Variants in GHR observed in about 807,000 individuals in gnomAD.
GHR encodes the protein growth hormone receptor, also known as GH receptor.
A neutral mutation model predicts 67.1 loss-of-function variants in GHR; 35 were observed. The ratio of observed to expected loss-of-function variants is 0.52; its 90% CI spans 0.40 to 0.69. The LOEUF is 0.69. Ranked by LOEUF, GHR falls within the 30% of genes least tolerant of loss-of-function variation. The probability of loss-of-function intolerance (pLI) is 0.00; values close to 1 mark genes in which losing one functional copy is unlikely to be tolerated. For synonymous variants in GHR, 272 were observed against 269.1 expected (o/e 1.01, Z -0.10); for missense variants, 792 against 764.6 (o/e 1.04, Z -0.42).
chr5:42,454,912 C>A (rs1263015667), intron 1 of GHR, among the ~76,000 whole-genome samples: 1 of 152,130 alleles, frequency 6.6e-6, no homozygotes, highest in Non-Finnish European at 1.5e-5. Flanking sequence ...GTTCATGCCC[C>A]CTCAAAATTA....
At chr5:42,677,191 C>A (rs560822542) in intron 3 of GHR, among the ~76,000 whole-genome samples, 156 of 152,280 alleles carry the variant, frequency 1.0e-3, no homozygotes, top group African/African-American at 3.5e-3. Context: ...ACTCCCCAAA[C>A]TCCACTTCAT....
chr5:42,432,377 G>T (rs1743132472), intron 1 of GHR, among the ~76,000 whole-genome samples: 1 of 152,174 alleles, frequency 6.6e-6, no homozygotes, highest in Admixed American at 6.6e-5. Flanking sequence ...CATAATTGAT[G>T]CTGTAAATGA....
intron 2 of GHR, among the ~76,000 whole-genome samples, chr5:42,622,059 T>G (rs1343097612): frequency 6.6e-6 from 1 of 152,170 alleles, no homozygotes; most frequent in African/African-American, 2.4e-5. Flanking sequence ...CACTCAGGCC[T>G]GGTGGACTCA....
At chr5:42,690,292 C>T (rs1757364399) in intron 4 of GHR, among the ~76,000 whole-genome samples, 1 of 152,214 alleles carries the variant, frequency 6.6e-6, no homozygotes, top group South Asian at 2.1e-4. Flanking sequence ...TGCACTTTCT[C>T]ACCAAGGAAT....
At chr5:42,477,378 A>G (rs1345420363) in intron 1 of GHR, among the ~76,000 whole-genome samples, 2 of 152,158 alleles carry the variant, frequency 1.3e-5, no homozygotes, top group East Asian at 3.9e-4. Flanking sequence ...ATGATTTATA[A>G]TCCTTTGGGT....
chr5:42,696,239 A>G (rs1757665897), intron 5 of GHR, among the ~76,000 whole-genome samples: 2 of 152,208 alleles, frequency 1.3e-5, no homozygotes, highest in Non-Finnish European at 2.9e-5. Flanking sequence ...TGGTGGTTAT[A>G]GAATAAGTAC....
rs1187973968 is a variant in GHR, at chr5:42,720,133, T to G, written c.*709T>G. Reference sequence around the variant, plus strand: ...AACAAACTCGTTTTTTACAAAGCCCTTTTATACCTCCCCAGACTCCTTCAA... The same window carrying G: ...AACAAACTCGTTTTTTACAAAGCCCGTTTATACCTCCCCAGACTCCTTCAA... On this transcript the variant is annotated 3_prime_UTR_variant, in exon 10 of 10. Coordinates refer to ENST00000230882, the MANE Select transcript of GHR (RefSeq NM_000163.5). The G allele has an allele frequency of 1.3e-5, 2 of 152,686 alleles. No individual in the cohort carries two copies. The highest frequency in any genetic ancestry group is 3.8e-4 in the East Asian group (2 of 5,202). The allele number at this position is 152,686 out of a possible 1,614,324, so 9.5% of individuals were successfully genotyped here. A position where few individuals can be genotyped will look rare whatever the true frequency, so the allele number is the denominator to read the frequency against.
Position 42,629,062 on chromosome 5 carries a change from C to A in GHR, c.95C>A (p.Ala32Glu). 2 of 1,417,522 alleles carry A rather than the reference C, an allele frequency of 1.4e-6. No homozygotes were observed. The highest frequency in any genetic ancestry group is 1.9e-6 in the Non-Finnish European group (2 of 1,031,706). 87.8% of individuals were successfully genotyped at this position (1,417,522 alleles called of 1,614,324 possible). A position where few individuals can be genotyped will look rare whatever the true frequency, so the allele number is the denominator to read the frequency against. Residue 32 changes from alanine to glutamate, a missense_variant, in exon 3 of 10, where the codon GCA (alanine) becomes GAA (glutamate). Ala to Glu is a moderately radical substitution (Grantham distance 107). Transcript: ENST00000230882. ...SEATAAILSR[A>E]PWSLQSVNPG... Reference sequence around the variant, plus strand: ...GCCACAGCAGCTATCCTTAGCAGAGCACCCTGGAGTCTGCAAAGTGTTAAT... The same window carrying A: ...GCCACAGCAGCTATCCTTAGCAGAGAACCCTGGAGTCTGCAAAGTGTTAAT...
chr5:42,693,528 C>A (rs184763479), intron 4 of GHR, among the ~76,000 whole-genome samples: 168 of 152,288 alleles, frequency 1.1e-3, no homozygotes, highest in African/African-American at 3.9e-3. Flanking sequence ...CAATTTCCTT[C>A]CAACAGCTGA....
intron 1 of GHR, among the ~76,000 whole-genome samples, chr5:42,479,054 G>A (rs1220508381): frequency 6.6e-6 from 1 of 152,148 alleles, no homozygotes; most frequent in African/African-American, 2.4e-5. Context: ...TTTGAGATAT[G>A]TCCCATCATT....
chr5:42,472,159 T>C (rs1427396068), intron 1 of GHR, among the ~76,000 whole-genome samples: 4 of 152,282 alleles, frequency 2.6e-5, no homozygotes, highest in Admixed American at 1.3e-4. Context: ...GGGGGGGTGA[T>C]TATCATAAAA....
intron 6 of GHR, among the ~76,000 whole-genome samples, chr5:42,708,637 G>GA (rs141011355): frequency 0.018 from 2,713 of 152,040 alleles, 140 homozygotes; most frequent in South Asian, 0.17. Context: ...AAACAACCTA[G>GA]AAAAAAACAA....
intron 2 of GHR, among the ~76,000 whole-genome samples, chr5:42,608,692 C>A (rs1752745131): frequency 6.6e-6 from 1 of 151,918 alleles, no homozygotes; most frequent in African/African-American, 2.4e-5. Flanking sequence ...TTAAACTAAC[C>A]AAAAAGATAA....
chr5:42,651,966 C>G (rs1329792399), intron 3 of GHR, among the ~76,000 whole-genome samples: 1 of 151,924 alleles, frequency 6.6e-6, no homozygotes, highest in Non-Finnish European at 1.5e-5. Context: ...TAAGATCATG[C>G]AAAAAGGGAA....
At chr5:42,691,552 A>G (rs1207938318) in intron 4 of GHR, among the ~76,000 whole-genome samples, 1 of 152,236 alleles carries the variant, frequency 6.6e-6, no homozygotes, top group African/African-American at 2.4e-5. Flanking sequence ...CTGAAACTAT[A>G]GAAACATGCT....
chr5:42,557,727 T>C (rs1749387494), intron 1 of GHR, among the ~76,000 whole-genome samples: 1 of 152,208 alleles, frequency 6.6e-6, no homozygotes, highest in Admixed American at 6.5e-5. Context: ...TGGTAGAAGC[T>C]AATGTCTCCT....
chr5:42,550,514 T>C (rs1481057157), intron 1 of GHR, among the ~76,000 whole-genome samples: 1 of 152,182 alleles, frequency 6.6e-6, no homozygotes, highest in Non-Finnish European at 1.5e-5. Flanking sequence ...AGGAATCTAA[T>C]CTAGTGAACA....
intron 1 of GHR, among the ~76,000 whole-genome samples, chr5:42,472,921 G>T (rs1320113148): frequency 6.6e-6 from 1 of 152,148 alleles, no homozygotes; most frequent in Non-Finnish European, 1.5e-5. Context: ...CCTCCCTTAG[G>T]TTGGTTACTC....
At chr5:42,447,188 T>C (rs1279729826) in intron 1 of GHR, among the ~76,000 whole-genome samples, 24 of 152,190 alleles carry the variant, frequency 1.6e-4, no homozygotes, top group Admixed American at 1.5e-3. Flanking sequence ...GAGGTGGTTT[T>C]TGGTTCCACG....
Sources: allele counts gnomAD v4.1 joint callset (sites outside exome capture counted in the v4.1 genomes callset), GRCh38; gene constraint gnomAD v4.1.1; transcripts MANE v1.5; gene names NCBI Gene and HGNC (gene_info 2026-07-23, HGNC 2026-07-21).